The following SETBP1 variants were observed in gnomAD, a reference collection of about 807,000 sequenced individuals.
SETBP1 encodes the protein SET binding protein 1.
Under a neutral mutation model 101.0 loss-of-function variants are expected in SETBP1, and 9 were observed. The observed-to-expected ratio is 0.09, with a 90% CI of 0.05 to 0.16. SETBP1 has a LOEUF of 0.16. Ranked by LOEUF, SETBP1 falls within the 10% of genes least tolerant of loss-of-function variation. The pLI is 1.00. For synonymous variants in SETBP1, 818 were observed against 788.5 expected (o/e 1.04, Z -0.63); for missense variants, 1,858 against 2,033.8 (o/e 0.91, Z 1.66).
At chr18:44,873,064 C>T (rs2069314912) in intron 3 of SETBP1, among the ~76,000 whole-genome samples, 1 of 151,988 alleles carries the variant, frequency 6.6e-6, no homozygotes, top group Admixed American at 6.6e-5. Context: ...TGGTCAAGGG[C>T]ATGCTGTGGT....
intron 4 of SETBP1, among the ~76,000 whole-genome samples, chr18:45,000,357 C>G (rs1334919654): frequency 6.6e-6 from 1 of 152,150 alleles, no homozygotes; most frequent in African/African-American, 2.4e-5. Context: ...GAGAGCTAGG[C>G]CCAAGGACAG....
At chr18:44,994,473 G>A (rs937571367) in intron 4 of SETBP1, among the ~76,000 whole-genome samples, 5 of 152,268 alleles carry the variant, frequency 3.3e-5, no homozygotes, top group African/African-American at 1.2e-4. Flanking sequence ...AAACAATTTG[G>A]CATTATATAG....
chr18:44,931,701 C>G (rs955372883), intron 3 of SETBP1, among the ~76,000 whole-genome samples: 3 of 152,150 alleles, frequency 2.0e-5, no homozygotes, highest in Non-Finnish European at 2.9e-5. Context: ...CAATGGCCTT[C>G]TTTGTCTCTT....
At chr18:44,965,557 C>T (rs868526015) in intron 4 of SETBP1, among the ~76,000 whole-genome samples, 2 of 152,116 alleles carry the variant, frequency 1.3e-5, no homozygotes, top group East Asian at 3.9e-4. Flanking sequence ...TTCCATTGCT[C>T]CTCAACCAGT....
chr18:44,888,973 A>T (rs1245989361), intron 3 of SETBP1, among the ~76,000 whole-genome samples: 1 of 152,156 alleles, frequency 6.6e-6, no homozygotes, highest in Non-Finnish European at 1.5e-5. Context: ...AGCAAGTGGA[A>T]GCTTCTCTCT....
At chr18:44,699,767 G>T (rs555992569) in intron 1 of SETBP1, among the ~76,000 whole-genome samples, 2 of 152,248 alleles carry the variant, frequency 1.3e-5, no homozygotes, top group Non-Finnish European at 2.9e-5. Flanking sequence ...TCTCTGGGGA[G>T]CAGGGTCCGT....
chr18:44,807,686 G>A (rs1242608578), intron 2 of SETBP1, among the ~76,000 whole-genome samples: 1 of 152,196 alleles, frequency 6.6e-6, no homozygotes, highest in African/African-American at 2.4e-5. Flanking sequence ...AAGGGAACTA[G>A]TAGGATCTTC....
rs141339278 is a variant in SETBP1, at chr18:44,870,712, G to C, written c.540+1429G>C. On this transcript the variant is annotated intron_variant, in intron 3 of 5. Coordinates refer to ENST00000649279, the MANE Select transcript of SETBP1 (RefSeq NM_015559.3). Reference sequence around the variant, plus strand: ...GGTGGCAATTCCAGGTAAATATTTTGTTTTAATCTGAAAATTTATAACATT... The same window carrying C: ...GGTGGCAATTCCAGGTAAATATTTTCTTTTAATCTGAAAATTTATAACATT... The C allele has an allele frequency of 2.6e-5, 4 of 152,224 alleles. No individual in the cohort carries two copies. The East Asian group carries it at 7.7e-4, about 29-fold the overall frequency. The allele number at this position is 152,224 out of a possible 1,614,324, so 9.4% of individuals were successfully genotyped here.
intron 2 of SETBP1, among the ~76,000 whole-genome samples, chr18:44,731,697 T>G (rs2069842412): frequency 2.0e-5 from 3 of 151,914 alleles, no homozygotes; most frequent in Admixed American, 2.0e-4. Flanking sequence ...CTCCATAACC[T>G]GAAGTTGAGT....
intron 2 of SETBP1, among the ~76,000 whole-genome samples, chr18:44,731,903 A>G (rs2069845654): frequency 6.6e-6 from 1 of 152,224 alleles, no homozygotes; most frequent in Non-Finnish European, 1.5e-5. Flanking sequence ...AAGAAGCATC[A>G]TAGTAATTCT....
chr18:44,779,307 A>G (rs1273550237), intron 2 of SETBP1, among the ~76,000 whole-genome samples: 1 of 152,232 alleles, frequency 6.6e-6, no homozygotes, highest in East Asian at 1.9e-4. Context: ...TGGAAGGCTG[A>G]GGACCATGCA....
chr18:44,950,633 C>T lies in SETBP1; in HGVS notation c.1293C>T (p.Ile431=). The T allele has an allele frequency of 1.2e-6, 2 of 1,614,100 alleles. No homozygotes were observed. The highest frequency in any genetic ancestry group is 8.5e-7 in the Non-Finnish European group (1 of 1,180,024). The change falls in exon 4 of 6, where the codon ATC becomes ATT. Residue 431 remains isoleucine, a synonymous_variant. Transcript: ENST00000649279. Reference sequence around the variant, plus strand: ...CCATTAAAGCGGTGGTGGAAAAGATCATGCCAGAGAAAGCCTTGGCTTCTG... The same window carrying T: ...CCATTAAAGCGGTGGTGGAAAAGATTATGCCAGAGAAAGCCTTGGCTTCTG... ...RQSIKAVVEK[I]MPEKALASGI...
intron 2 of SETBP1, among the ~76,000 whole-genome samples, chr18:44,824,588 C>T (rs2072193055): frequency 6.6e-6 from 1 of 152,148 alleles, no homozygotes; most frequent in Middle Eastern, 3.2e-3. Context: ...GACGGTGTAA[C>T]ATAACACTGC....
chr18:44,950,158 C>A lies in SETBP1; in HGVS notation c.818C>A (p.Thr273Lys), dbSNP rs748537549. The part of the protein sequence containing the change: ...AQGKKGSAGN[T>K]WSQLSNNNKD... ...GGTAAGAAAGGCAGTGCAGGGAACA[C>A]GTGGAGTCAGTTGTCTAACAATAAC... Residue 273 changes from threonine (T) to lysine (K), a missense_variant, in exon 4 of 6, where the codon ACG (threonine) becomes AAG (lysine). Physicochemically the swap from Thr to Lys is moderately conservative, Grantham distance 78. This residue lies in a region of SETBP1 where 581 missense variants were observed against 535.1 expected (regional missense o/e 1.09). Coordinates refer to ENST00000649279, the MANE Select transcript of SETBP1 (RefSeq NM_015559.3). 6.2e-7 allele frequency: 1 copy of A among 1,613,820 alleles called. No individual in the cohort carries two copies. Among genetic ancestry groups the A allele is most frequent in the Non-Finnish European group, 8.5e-7 (1 of 1,180,048 alleles).
intron 3 of SETBP1, among the ~76,000 whole-genome samples, chr18:44,898,776 C>T (rs546630534): frequency 2.0e-5 from 3 of 152,270 alleles, no homozygotes; most frequent in South Asian, 2.1e-4. Flanking sequence ...AGGGGACACA[C>T]CCGAGCACCC....
chr18:44,928,890 C>T (rs555526856), intron 3 of SETBP1, among the ~76,000 whole-genome samples: 4 of 152,282 alleles, frequency 2.6e-5, no homozygotes, highest in East Asian at 3.9e-4. Flanking sequence ...TGCCTGTTCA[C>T]TCTGATGGTA....
intron 2 of SETBP1, among the ~76,000 whole-genome samples, chr18:44,777,531 C>CA (rs1203062279): frequency 4.6e-5 from 7 of 152,164 alleles, no homozygotes; most frequent in Middle Eastern, 3.2e-3. Flanking sequence ...GGCTGCCATC[C>CA]CCTCATCTGG....
chr18:44,876,336 C>T (rs1003740333), intron 3 of SETBP1, among the ~76,000 whole-genome samples: 3 of 152,180 alleles, frequency 2.0e-5, no homozygotes, highest in Non-Finnish European at 4.4e-5. Flanking sequence ...TGCTTCCTTA[C>T]ACCCTCCCAC....
In SETBP1 at chr18:45,063,846, G is replaced by A; in HGVS notation, c.*148G>A. 1 of 854,036 alleles carries A rather than the reference G, an allele frequency of 1.2e-6. No individual in the cohort carries two copies. Among genetic ancestry groups the A allele is most frequent in the South Asian group, 1.8e-5 (1 of 56,112 alleles). 52.9% of individuals were successfully genotyped at this position (854,036 alleles called of 1,614,324 possible). A position where few individuals can be genotyped will look rare whatever the true frequency, so the allele number is the denominator to read the frequency against. On this transcript the variant is annotated 3_prime_UTR_variant, in exon 6 of 6. Transcript: ENST00000649279. Reference sequence around the variant, plus strand: ...CAGGCAGAATCCGGCCAGACGACGGGGCTGAGCCATCAGGAGCTCTTGGGA... The same window carrying A: ...CAGGCAGAATCCGGCCAGACGACGGAGCTGAGCCATCAGGAGCTCTTGGGA...
Sources: allele counts gnomAD v4.1 joint callset (sites outside exome capture counted in the v4.1 genomes callset), GRCh38; gene constraint gnomAD v4.1.1; regional missense constraint gnomAD v4.1.1; transcripts MANE v1.5; gene names NCBI Gene and HGNC (gene_info 2026-07-23, HGNC 2026-07-21).